PRKDC: variants seen among roughly 807,000 people sequenced by gnomAD.
PRKDC encodes DNA-dependent protein kinase catalytic subunit.
A neutral mutation model predicts 486.9 loss-of-function variants in PRKDC; 82 were observed. That is an observed-to-expected ratio of 0.17 (90% CI 0.14 to 0.20). PRKDC has a LOEUF of 0.20. Among genes scored for constraint, PRKDC ranks in the 10% least tolerant of loss-of-function variants. PRKDC has a pLI of 1.00. For synonymous variants in PRKDC, 1,895 were observed against 1,837.0 expected (o/e 1.03, Z -0.81); for missense variants, 4,504 against 5,038.2 (o/e 0.89, Z 3.21).
chr8:47,903,281 A>C (rs2089719751), intron 26 of PRKDC, among the ~76,000 whole-genome samples: 1 of 152,222 alleles, frequency 6.6e-6, no homozygotes, highest in Non-Finnish European at 1.5e-5. Flanking sequence ...AGACCCCATA[A>C]AGGCCCTGCC....
chr8:47,869,386 T>G (rs765377953), intron 40 of PRKDC, among the ~76,000 whole-genome samples: 3 of 151,742 alleles, frequency 2.0e-5, no homozygotes, highest in Non-Finnish European at 2.9e-5. Context: ...CTCCAGGTCC[T>G]GGCTCCCAGA....
chr8:47,892,679 G>A (rs2089488351), intron 31 of PRKDC, among the ~76,000 whole-genome samples: 1 of 151,960 alleles, frequency 6.6e-6, no homozygotes, highest in Non-Finnish European at 1.5e-5. Flanking sequence ...ACGTAGATAG[G>A]GATATAGTAA....
chr8:47,954,360 C>A lies in PRKDC; in HGVS notation c.486G>T (p.Leu162Phe). ...CACCTGTATCTGGTATTTTTTTTTT[C>A]AATGCAAGTTCTCCATAGAATTTAC... ...LFSKFYGELALKKKIPDTVLE... is the reference protein window; with the variant it reads ...LFSKFYGELAFKKKIPDTVLE... The change falls in exon 5 of 86, where the codon TTG (leucine) becomes TTT (phenylalanine). Residue 162 changes from leucine (L) to phenylalanine (F), a missense_variant. This residue lies in a region of PRKDC where 1,969 missense variants were observed against 2,068.9 expected (regional missense o/e 0.95). Coordinates refer to ENST00000314191, the MANE Select transcript of PRKDC (RefSeq NM_006904.7). 2 of 1,293,478 alleles carry A rather than the reference C, an allele frequency of 1.5e-6. No homozygotes were observed. The highest frequency in any genetic ancestry group is 3.3e-5 in the South Asian group (2 of 60,266). 80.1% of individuals were successfully genotyped at this position (1,293,478 alleles called of 1,614,324 possible). A position where few individuals can be genotyped will look rare whatever the true frequency, so the allele number is the denominator to read the frequency against.
intron 36 of PRKDC, among the ~76,000 whole-genome samples, chr8:47,883,263 C>T (rs939797382): frequency 1.8e-4 from 28 of 152,358 alleles, no homozygotes; most frequent in African/African-American, 6.7e-4. Flanking sequence ...GTCCACACTG[C>T]CGCTGAGAAG....
Position 47,887,665 on chromosome 8 carries a change from G to A in PRKDC, c.4454C>T (p.Ser1485Phe). 1 of 1,610,234 alleles carries A rather than the reference G, an allele frequency of 6.2e-7. No individual in the cohort carries two copies. Among genetic ancestry groups the A allele is most frequent in the South Asian group, 1.1e-5 (1 of 89,774 alleles). The change falls in exon 35 of 86, where the codon TCC (serine) becomes TTC (phenylalanine). Residue 1485 changes from serine to phenylalanine, a missense_variant. Coordinates refer to ENST00000314191, the MANE Select transcript of PRKDC (RefSeq NM_006904.7). The part of the protein sequence containing the change: ...LHHSVGTELL[S>F]LVYKGIAPGD... ...AGGGGCAATGCCTTTATAAACCAGG[G>A]AAAGAAGTTCTGTGCCAACAGAATG...
intron 39 of PRKDC, 83 bp from the exon 40 acceptor site, chr8:47,877,934 A>AG: frequency 9.6e-7 from 1 of 1,041,044 alleles, no homozygotes; most frequent in Non-Finnish European, 1.3e-6. Context: ...TAAAAATATA[A>AG]AAAGTTTCTT....
chr8:47,807,249 C>T lies in PRKDC; in HGVS notation c.9635G>A (p.Gly3212Glu), dbSNP rs745554998. 6.2e-7 allele frequency: 1 copy of T among 1,613,660 alleles called. No individual in the cohort carries two copies. Among genetic ancestry groups the T allele is most frequent in the Non-Finnish European group, 8.5e-7 (1 of 1,179,748 alleles). The change falls in exon 69 of 86, where the codon GGA becomes GAA. Residue 3212 changes from glycine (G) to glutamate (E), a missense_variant. This residue lies in a region of PRKDC where 1,592 missense variants were observed against 1,724.6 expected (regional missense o/e 0.92). Transcript: ENST00000314191. ...CACTTCCATCCTGTCACTGGGGTCT[C>T]CATCTTGATCCACATTCATACTATT... ...EDNSMNVDQD[G>E]DPSDRMEVQE...
intron 80 of PRKDC, among the ~76,000 whole-genome samples, chr8:47,780,101 G>C (rs1376678632): frequency 1.3e-5 from 2 of 151,536 alleles, no homozygotes; most frequent in Non-Finnish European, 2.9e-5. Flanking sequence ...TTTCAGTAGA[G>C]ACAGGGTTTT....
At chr8:47,924,391 C>T (rs2154503284) in intron 21 of PRKDC, among the ~76,000 whole-genome samples, 1 of 152,086 alleles carries the variant, frequency 6.6e-6, no homozygotes. Context: ...AGACCCCCAT[C>T]TCTACTAAAA....
chr8:47,939,547 A>C lies in PRKDC; in HGVS notation c.1113+4T>G. 1 of 1,610,794 alleles carries C rather than the reference A, an allele frequency of 6.2e-7. No individual in the cohort carries two copies. The highest frequency in any genetic ancestry group is 8.5e-7 in the Non-Finnish European group (1 of 1,178,588). ...ACAAAATAGAGTAAGTTAATGAGAC[A>C]TACTCCTGCAAAAAGTCCATATCCA... On this transcript the variant is annotated splice_donor_region_variant and intron_variant, in intron 11 of 85. Coordinates refer to ENST00000314191, the MANE Select transcript of PRKDC (RefSeq NM_006904.7).
intron 38 of PRKDC, 133 bp downstream of exon 38, chr8:47,881,283 G>A (rs1011900236): frequency 6.5e-6 from 4 of 615,942 alleles, no homozygotes; most frequent in Non-Finnish European, 1.2e-5. Flanking sequence ...AAGTACGGGG[G>A]ATTACTGTGC....
chr8:47,847,599 T>G (rs184220217), intron 54 of PRKDC, among the ~76,000 whole-genome samples: 51 of 152,272 alleles, frequency 3.3e-4, no homozygotes, highest in Non-Finnish European at 6.5e-4. Context: ...AATTTATGAC[T>G]AAGTTCTAAA....
At chr8:47,899,662 A>G (rs905602907) in intron 28 of PRKDC, among the ~76,000 whole-genome samples, 5 of 152,048 alleles carry the variant, frequency 3.3e-5, no homozygotes, top group Non-Finnish European at 7.4e-5. Context: ...AACAAATAAA[A>G]TAAAATAAGT....
intron 45 of PRKDC, among the ~76,000 whole-genome samples, chr8:47,860,171 G>A (rs1589748768): frequency 6.6e-6 from 1 of 152,218 alleles, no homozygotes; most frequent in African/African-American, 2.4e-5. Flanking sequence ...CTCATATCAA[G>A]AAATGATGAT....
intron 16 of PRKDC, 53 bp from the exon 17 acceptor site, chr8:47,930,840 T>C: frequency 6.7e-7 from 1 of 1,481,712 alleles, no homozygotes; most frequent in Non-Finnish European, 9.1e-7. Context: ...CACGAATCAC[T>C]CAACAAATAA....
At chr8:47,953,775 A>G (rs1158638298) in intron 6 of PRKDC, 32 bp downstream of exon 6, 2 of 1,577,354 alleles carry the variant, frequency 1.3e-6, no homozygotes, top group Admixed American at 1.9e-5. Context: ...AACCACATCT[A>G]TGGAAGCAGA....
intron 85 of PRKDC, 143 bp downstream of exon 85, chr8:47,776,701 A>C (rs2086613739): frequency 8.6e-7 from 1 of 1,161,322 alleles, no homozygotes; most frequent in Admixed American, 2.7e-5. Context: ...AGCCTCTCTA[A>C]GCCCTGCTTT....
At chr8:47,849,630 G>C (rs2088357165) in intron 52 of PRKDC, 127 bp from the exon 53 acceptor site, 2 of 1,070,508 alleles carry the variant, frequency 1.9e-6, no homozygotes, top group Non-Finnish European at 2.7e-6. Context: ...CTACAAGGTA[G>C]ATGATGGGAC....
intron 25 of PRKDC, among the ~76,000 whole-genome samples, chr8:47,905,863 C>T (rs988866588): frequency 6.6e-6 from 1 of 152,140 alleles, no homozygotes; most frequent in Non-Finnish European, 1.5e-5. Context: ...GTCTCCAGGT[C>T]TGGGCTCCTC....
Sources: allele counts gnomAD v4.1 joint callset (sites outside exome capture counted in the v4.1 genomes callset), GRCh38; gene constraint gnomAD v4.1.1; regional missense constraint gnomAD v4.1.1; transcripts MANE v1.5; gene names NCBI Gene and HGNC (gene_info 2026-07-23, HGNC 2026-07-21).